The following MYO16 variants were observed in gnomAD, a reference collection of about 807,000 sequenced individuals.
MYO16 encodes unconventional myosin-XVI.
MYO16 carries 94 observed loss-of-function variants against 205.3 expected under a neutral mutation model. The ratio of observed to expected loss-of-function variants is 0.46; its 90% confidence interval spans 0.39 to 0.54. The LOEUF (loss-of-function observed/expected upper bound fraction) is 0.54, where lower values mean the gene tolerates loss of function less well. MYO16 is among the 20% of genes least tolerant of loss of function. The pLI is 0.00. For missense variants in MYO16, 2,315 were observed against 2,387.5 expected, an observed-to-expected ratio of 0.97 and a Z score of 0.63; for synonymous variants, 988 against 954.0, an observed-to-expected ratio of 1.04 and a Z score of -0.66.
At chr13:108,508,602 C>A in the MYO16 span, among the ~76,000 whole-genome samples, 1 of 152,160 alleles carries the variant, frequency 6.6e-6, no homozygotes, top group Non-Finnish European at 1.5e-5. Flanking sequence ...AAAGCCCTAA[C>A]ATTGGATGCA....
chr13:108,715,251 A>G (rs1222414836), intron 3 of MYO16, among the ~76,000 whole-genome samples: 1 of 152,118 alleles, frequency 6.6e-6, no homozygotes, highest in Admixed American at 6.6e-5. Context: ...CATGCCTCTC[A>G]GATGTACACG....
chr13:109,181,722 T>A (rs1260729389), intron 34 of MYO16, among the ~76,000 whole-genome samples: 1 of 151,488 alleles, frequency 6.6e-6, no homozygotes. Flanking sequence ...GAAATCAAGA[T>A]CATATGTTCC....
At chr13:108,570,986 G>A in the MYO16 span, among the ~76,000 whole-genome samples, 21 of 152,240 alleles carry the variant, frequency 1.4e-4, no homozygotes, top group African/African-American at 5.1e-4. Context: ...TTAAGAAAGT[G>A]TAAAGTAAGA....
At chr13:108,590,711 T>C in the MYO16 span, among the ~76,000 whole-genome samples, 2 of 152,144 alleles carry the variant, frequency 1.3e-5, no homozygotes, top group East Asian at 1.9e-4. Flanking sequence ...AGAGAAGGCC[T>C]TGTGAAGACA....
rs544424925 is a variant in MYO16, at chr13:108,859,923, C to T, written c.1359+4370C>T. ...AAAGCAAACCAGAGCAATAAAGCAT[C>T]GCATGACAGCTCCTAGTACACAGCC... On this transcript the variant is annotated intron_variant, in intron 11 of 34. Coordinates refer to ENST00000457511, the MANE Select transcript of MYO16 (RefSeq NM_001198950.3). Among the ~76,000 whole-genome samples, 10 of 152,190 alleles carry T rather than the reference C, an allele frequency of 6.6e-5. 1 individual carries two copies. The South Asian group carries it at 1.9e-3, about 28-fold the overall frequency.
At chr13:108,582,199 C>T in the MYO16 span, among the ~76,000 whole-genome samples, 4,056 of 152,142 alleles carry the variant, frequency 0.027, 169 homozygotes, top group African/African-American at 0.091. Flanking sequence ...CTTCTCTTGA[C>T]CGTTTGTGAC....
At chr13:109,078,677 G>A (rs1323518742) in intron 27 of MYO16, among the ~76,000 whole-genome samples, 1 of 152,072 alleles carries the variant, frequency 6.6e-6, no homozygotes, top group African/African-American at 2.4e-5. Flanking sequence ...TTTGATTTGG[G>A]ATACAAGTAA....
intron 16 of MYO16, among the ~76,000 whole-genome samples, chr13:108,952,432 C>T (rs1466315919): frequency 1.3e-5 from 2 of 152,118 alleles, no homozygotes; most frequent in Non-Finnish European, 2.9e-5. Flanking sequence ...CTTCAGTGCC[C>T]TTATTTCTGA....
intron 4 of MYO16, among the ~76,000 whole-genome samples, chr13:108,760,876 G>A (rs766129523): frequency 2.1e-4 from 32 of 152,090 alleles, no homozygotes; most frequent in Admixed American, 4.6e-4. Flanking sequence ...TAAGATCAAC[G>A]TTTTTAGCTC....
intron 10 of MYO16, among the ~76,000 whole-genome samples, chr13:108,850,714 G>T (rs17485201): frequency 0.18 from 27,181 of 152,098 alleles, 3,156 homozygotes; most frequent in Non-Finnish European, 0.25. Context: ...TGATAGCCTC[G>T]CTTAAGATTG....
chr13:109,038,646 G>C (rs1232932139), intron 23 of MYO16, among the ~76,000 whole-genome samples: 1 of 151,922 alleles, frequency 6.6e-6, no homozygotes, highest in Non-Finnish European at 1.5e-5. Context: ...TATTCATTTG[G>C]AGAACCCTGA....
intron 20 of MYO16, among the ~76,000 whole-genome samples, chr13:108,990,311 G>A (rs1398932590): frequency 6.6e-6 from 1 of 152,096 alleles, no homozygotes; most frequent in African/African-American, 2.4e-5. Context: ...CATGGATGCT[G>A]GATGGTGAAC....
chr13:108,558,120 A>G, the MYO16 span, among the ~76,000 whole-genome samples: 33 of 152,314 alleles, frequency 2.2e-4, 1 homozygote, highest in Middle Eastern at 0.01. Flanking sequence ...TTAAATATCA[A>G]TTTTCCACAA....
intron 4 of MYO16, among the ~76,000 whole-genome samples, chr13:108,752,933 A>G (rs1304027991): frequency 6.7e-6 from 1 of 149,490 alleles, no homozygotes; most frequent in African/African-American, 2.5e-5. Context: ...TAACTTATAG[A>G]TGAAAATGAT....
At chr13:108,772,406 G>C (rs1885996621) in intron 4 of MYO16, among the ~76,000 whole-genome samples, 1 of 152,082 alleles carries the variant, frequency 6.6e-6, no homozygotes, top group Admixed American at 6.6e-5. Flanking sequence ...CTTCCAAAGT[G>C]CCTGTACCAT....
chr13:109,028,398 G>A, intron 23 of MYO16: 1 of 324,724 alleles, frequency 3.1e-6, no homozygotes, highest in Non-Finnish European at 6.1e-6. Flanking sequence ...GTAACATTTT[G>A]TTTTTCACAG....
chr13:108,744,495 C>T lies in MYO16; in HGVS notation c.507+16912C>T, dbSNP rs563369660. Among the ~76,000 whole-genome samples the T allele has an allele frequency of 5.3e-5, 8 of 152,320 alleles. No homozygotes were observed. In the South Asian group the frequency reaches 1.0e-3, roughly 20 times the overall value. On this transcript the variant is annotated intron_variant, in intron 4 of 34. Transcript: ENST00000457511. ...AGTTGTTGCTTTATTGTTCCTCTCA[C>T]GTTTACACTGAAGCTTCTCTGAAGA... is the stretch of plus-strand genomic sequence containing the variant.
chr13:108,520,039 C>T, the MYO16 span, among the ~76,000 whole-genome samples: 50,995 of 151,972 alleles, frequency 0.34, 10,614 homozygotes, highest in African/African-American at 0.59. Flanking sequence ...TTTTTGAGTG[C>T]ATTTTCGCTG....
intron 15 of MYO16, among the ~76,000 whole-genome samples, chr13:108,899,614 T>C (rs940588706): frequency 6.6e-6 from 1 of 152,134 alleles, no homozygotes; most frequent in African/African-American, 2.4e-5. Context: ...AGCTCTGGTT[T>C]TCAAGTCTCA....
Sources: allele counts gnomAD v4.1 joint callset (sites outside exome capture counted in the v4.1 genomes callset), GRCh38; gene constraint gnomAD v4.1.1; transcripts MANE v1.5; gene names NCBI Gene and HGNC (gene_info 2026-07-23, HGNC 2026-07-21).